The following ABCC4 variants were observed in gnomAD, a reference collection of about 807,000 sequenced individuals.
The protein encoded by ABCC4 is ATP-binding cassette sub-family C member 4.
Under a neutral mutation model 168.5 loss-of-function variants are expected in ABCC4, and 102 were observed. The ratio of observed to expected loss-of-function variants is 0.61; its 90% CI spans 0.52 to 0.71. The LOEUF is 0.71. Ranked by LOEUF, ABCC4 falls within the 30% of genes least tolerant of loss-of-function variation. The pLI, the probability that ABCC4 is intolerant of heterozygous loss-of-function variation, is 0.00. For synonymous variants in ABCC4, 617 were observed against 590.7 expected, an observed-to-expected ratio of 1.04 and a Z score of -0.65; for missense variants, 1,402 against 1,605.8, an observed-to-expected ratio of 0.87 and a Z score of 2.17.
chr13:95,218,967 AAGAAAGAAAGAAAGAAAGAGTG>A (rs1399682452), intron 4 of ABCC4, among the ~76,000 whole-genome samples: 32 of 40,452 alleles, frequency 7.9e-4, no homozygotes, highest in South Asian at 2.8e-3. Context: ...GAAAGAAAGA[AAGAAAGAAAGAAAGAAAGAGTG>A]AGAAAGAAAG....
At chr13:95,097,873 C>T (rs563132223) in intron 20 of ABCC4, among the ~76,000 whole-genome samples, 211 of 151,864 alleles carry the variant, frequency 1.4e-3, no homozygotes, top group African/African-American at 4.1e-3. Context: ...CAGTGGCTCA[C>T]GCCTATAATC....
intron 1 of ABCC4, among the ~76,000 whole-genome samples, chr13:95,257,912 T>C (rs1338380033): frequency 6.6e-6 from 1 of 152,152 alleles, no homozygotes. Context: ...GAAATAAATA[T>C]GAGTGTCTTT....
intron 19 of ABCC4, among the ~76,000 whole-genome samples, chr13:95,123,292 G>T (rs567618676): frequency 7.2e-5 from 11 of 152,242 alleles, no homozygotes; most frequent in African/African-American, 2.4e-4. Context: ...ATCAGAACCT[G>T]CTAATTGGAA....
intron 8 of ABCC4, among the ~76,000 whole-genome samples, chr13:95,201,184 T>A (rs967980133): frequency 3.9e-5 from 6 of 152,166 alleles, no homozygotes; most frequent in Non-Finnish European, 7.3e-5. Context: ...AAATGTAAAA[T>A]TCCCAGCCGG....
At chr13:95,076,111 TG>T (rs2033893410) in intron 21 of ABCC4, among the ~76,000 whole-genome samples, 1 of 152,202 alleles carries the variant, frequency 6.6e-6, no homozygotes, top group East Asian at 1.9e-4. Flanking sequence ...GTCACTTCCC[TG>T]CATCCTGGGG....
rs757959172 is a variant in ABCC4, at chr13:95,044,440, T to C, written c.3457-2A>G. On this transcript the variant is annotated splice_acceptor_variant, in intron 27 of 30. Coordinates refer to ENST00000645237, the MANE Select transcript of ABCC4 (RefSeq NM_005845.5). LOFTEE classifies it high-confidence loss of function. ...TTCAATGGTTTCTTTAAGTTGTACC[T>C]GTAGATGTACAAAGAAGAATGACTG... 6.2e-7 allele frequency: 1 copy of C among 1,606,180 alleles called. No homozygotes were observed. The highest frequency in any genetic ancestry group is 8.5e-7 in the Non-Finnish European group (1 of 1,176,340).
rs750481110 is a variant in ABCC4, at chr13:95,206,568, C to G, written c.1125G>C (p.Arg375Ser). The G allele has an allele frequency of 6.2e-7, 1 of 1,614,098 alleles. No homozygotes were observed. The highest frequency in any genetic ancestry group is 2.2e-5 in the East Asian group (1 of 44,870). ...GGATGCTGACGATTGCCTCTGACAC[C>G]CTCTCAATGGCTGAGGGGAAGAAGA... ...VTLFFPSAIE[R>S]VSEAIVSIRR... Residue 375 changes from arginine (R) to serine (S), a missense_variant, in exon 8 of 31, where the codon AGG becomes AGC. By Grantham distance (110) the Arg-to-Ser change is moderately radical (BLOSUM62 -1). This residue lies in a region of ABCC4 where 78 missense variants were observed against 133.0 expected (regional missense o/e 0.59). Transcript: ENST00000645237.
chr13:95,078,699 T>A (rs2033993436), intron 21 of ABCC4, among the ~76,000 whole-genome samples: 1 of 152,190 alleles, frequency 6.6e-6, no homozygotes, highest in Non-Finnish European at 1.5e-5. Flanking sequence ...CCAGGCCCCA[T>A]TACCCTACAA....
chr13:95,264,479 C>T (rs914807009), intron 1 of ABCC4, among the ~76,000 whole-genome samples: 3 of 152,180 alleles, frequency 2.0e-5, no homozygotes, highest in African/African-American at 7.2e-5. Context: ...TTACCATCAC[C>T]ACTGTGTGCC....
chr13:95,028,779 AAAAAAC>A (rs1404298405), intron 30 of ABCC4, among the ~76,000 whole-genome samples: 1 of 152,246 alleles, frequency 6.6e-6, no homozygotes, highest in Admixed American at 6.5e-5. Context: ...TTCACCAGGA[AAAAAAC>A]AAAAATAGCT....
At chr13:95,085,779 T>C (rs1321007330) in intron 20 of ABCC4, among the ~76,000 whole-genome samples, 1 of 152,228 alleles carries the variant, frequency 6.6e-6, no homozygotes, top group Non-Finnish European at 1.5e-5. Context: ...AGAGGCAACA[T>C]GTCATAAGCC....
intron 1 of ABCC4, 104 bp downstream of exon 1, chr13:95,301,137 C>G (rs930416019): frequency 2.7e-6 from 3 of 1,117,660 alleles, no homozygotes; most frequent in Admixed American, 2.7e-5. Flanking sequence ...GCTCCCCTCG[C>G]CCCCAGCCGC....
intron 29 of ABCC4, among the ~76,000 whole-genome samples, chr13:95,036,092 T>A (rs1194950400): frequency 1.3e-5 from 2 of 152,190 alleles, no homozygotes; most frequent in Non-Finnish European, 2.9e-5. Flanking sequence ...CCAATTTAGA[T>A]ACCCCAAATG....
At chr13:95,141,077 C>T (rs1382402815) in intron 19 of ABCC4, among the ~76,000 whole-genome samples, 2 of 152,182 alleles carry the variant, frequency 1.3e-5, no homozygotes, top group African/African-American at 4.8e-5. Flanking sequence ...GACTCTGCAT[C>T]CCTCAGATGA....
chr13:95,298,436 A>G (rs1258865246), intron 1 of ABCC4, among the ~76,000 whole-genome samples: 1 of 152,278 alleles, frequency 6.6e-6, no homozygotes, highest in Non-Finnish European at 1.5e-5. Context: ...TTGAAACCTC[A>G]CCACCCCCAC....
At chr13:95,042,886 A>G (rs2139240193) in intron 29 of ABCC4, among the ~76,000 whole-genome samples, 1 of 152,314 alleles carries the variant, frequency 6.6e-6, no homozygotes, top group African/African-American at 2.4e-5. Flanking sequence ...CCCAACAAGA[A>G]GTCTATATGA....
At chr13:95,272,245 C>T (rs922562362) in intron 1 of ABCC4, among the ~76,000 whole-genome samples, 11 of 151,276 alleles carry the variant, frequency 7.3e-5, no homozygotes, top group African/African-American at 2.2e-4. Context: ...AGCGTTTCAC[C>T]ACGTTGGCCA....
chr13:95,133,203 T>G (rs959006883), intron 19 of ABCC4, among the ~76,000 whole-genome samples: 16 of 137,522 alleles, frequency 1.2e-4, no homozygotes, highest in African/African-American at 4.4e-4. Context: ...AACCTCCGCC[T>G]CCTGGGTTCA....
At chr13:95,296,735 C>T (rs1359638631) in intron 1 of ABCC4, among the ~76,000 whole-genome samples, 2 of 152,132 alleles carry the variant, frequency 1.3e-5, no homozygotes, top group African/African-American at 2.4e-5. Flanking sequence ...AAGTGCCTGC[C>T]GGGCACCAGG....
Sources: allele counts gnomAD v4.1 joint callset (sites outside exome capture counted in the v4.1 genomes callset), GRCh38; gene constraint gnomAD v4.1.1; regional missense constraint gnomAD v4.1.1; transcripts MANE v1.5; gene names NCBI Gene and HGNC (gene_info 2026-07-23, HGNC 2026-07-21).